Variants in FHIT observed in about 807,000 individuals in gnomAD.
FHIT encodes fragile histidine triad diadenosine triphosphatase.
A neutral mutation model predicts 17.9 loss-of-function variants in FHIT; 19 were observed. That is an observed-to-expected ratio of 1.06 (90% confidence interval 0.74 to 1.56). The LOEUF (loss-of-function observed/expected upper bound fraction) is 1.56, where lower values mean the gene tolerates loss of function less well. FHIT is among the 40% of genes most tolerant of loss of function. The pLI, the probability that FHIT is intolerant of heterozygous loss-of-function variation, is 0.00. For missense variants in FHIT, 248 were observed against 189.2 expected, an observed-to-expected ratio of 1.31 and a Z score of -1.82; for synonymous variants, 81 against 69.7, an observed-to-expected ratio of 1.16 and a Z score of -0.81.
At chr3:61,228,919 G>C (rs936409080) in intron 1 of FHIT, among the ~76,000 whole-genome samples, 2 of 152,174 alleles carry the variant, frequency 1.3e-5, no homozygotes, top group African/African-American at 4.8e-5. Context: ...CAAGGCAAAG[G>C]AGATACAGCA....
At chr3:61,091,270 T>A (rs2035472701) in intron 2 of FHIT, among the ~76,000 whole-genome samples, 1 of 152,162 alleles carries the variant, frequency 6.6e-6, no homozygotes, top group Non-Finnish European at 1.5e-5. Context: ...CCTCCCTACA[T>A]GCCAATCAGT....
chr3:60,254,956 A>G (rs1227322415), intron 5 of FHIT, among the ~76,000 whole-genome samples: 1 of 152,222 alleles, frequency 6.6e-6, no homozygotes, highest in Non-Finnish European at 1.5e-5. Flanking sequence ...GATATTCTTT[A>G]AGAAATCATG....
At chr3:60,583,836 C>T (rs1553660593) in intron 4 of FHIT, among the ~76,000 whole-genome samples, 1 of 152,088 alleles carries the variant, frequency 6.6e-6, no homozygotes, top group Non-Finnish European at 1.5e-5. Context: ...GCTAGTATTT[C>T]AGAATCAGCT....
chr3:61,251,447 G>A lies in FHIT; in HGVS notation c.-359C>T, dbSNP rs2040623150. On this transcript the variant is annotated 5_prime_UTR_variant, in exon 1 of 10. Coordinates refer to ENST00000492590, the MANE Select transcript of FHIT (RefSeq NM_002012.4). ...TCCTGTGACCGGACAGAGCAGAGCG[G>A]GGACTGCAATTCCCAGAAGACCCCA... is the stretch of plus-strand genomic sequence containing the variant. The A allele has an allele frequency of 6.6e-6, 1 of 152,426 alleles. No homozygotes were observed. The highest frequency in any genetic ancestry group is 1.5e-5 in the Non-Finnish European group (1 of 68,196). 9.4% of individuals were successfully genotyped at this position (152,426 alleles called of 1,614,324 possible).
chr3:60,924,837 G>C (rs1022764431), intron 3 of FHIT, among the ~76,000 whole-genome samples: 12 of 152,078 alleles, frequency 7.9e-5, no homozygotes, highest in African/African-American at 2.7e-4. Context: ...TGGCTAACTA[G>C]AATAACCAAT....
intron 5 of FHIT, among the ~76,000 whole-genome samples, chr3:60,327,544 C>T (rs113613282): frequency 1.3e-5 from 2 of 152,268 alleles, no homozygotes; most frequent in Admixed American, 6.5e-5. Flanking sequence ...GTTGCCAACT[C>T]CATTGTAGAC....
chr3:60,011,257 G>T, intron 7 of FHIT, 114 bp downstream of exon 7: 1 of 960,046 alleles, frequency 1.0e-6, no homozygotes, highest in Non-Finnish European at 1.7e-6. Context: ...GGGTCTCTCT[G>T]ACCTCGAAGA....
intron 4 of FHIT, among the ~76,000 whole-genome samples, chr3:60,788,281 A>C (rs530115270): frequency 1.3e-5 from 2 of 152,116 alleles, no homozygotes; most frequent in South Asian, 4.2e-4. Context: ...ACAGAGTGAG[A>C]CCCTATCTCT....
chr3:60,575,632 G>A (rs2037538493), intron 4 of FHIT, among the ~76,000 whole-genome samples: 1 of 152,144 alleles, frequency 6.6e-6, no homozygotes, highest in Non-Finnish European at 1.5e-5. Flanking sequence ...AGAGCAACTG[G>A]CATCGGAGAC....
rs566137087 is a variant in FHIT at position 60,939,086 on chromosome 3, A to C, written c.-111+102961T>G. Among the ~76,000 whole-genome samples the C allele has an allele frequency of 2.0e-5, 3 of 152,302 alleles. No individual in the cohort carries two copies. In the South Asian group the frequency reaches 6.2e-4, roughly 32 times the overall value. On this transcript the variant is annotated intron_variant, in intron 3 of 9. Coordinates refer to ENST00000492590, the MANE Select transcript of FHIT (RefSeq NM_002012.4). ...AGCAGTCAATTAGGTGCAATTCTAC[A>C]TGGTCCAATCTCATATACATACGCA...
chr3:60,190,500 G>C (rs1201825418), intron 5 of FHIT, among the ~76,000 whole-genome samples: 1 of 152,124 alleles, frequency 6.6e-6, no homozygotes, highest in Non-Finnish European at 1.5e-5. Context: ...TGTAATCCCA[G>C]CACTTTAGGA....
chr3:60,461,070 G>T (rs2032430424), intron 5 of FHIT, among the ~76,000 whole-genome samples: 1 of 136,072 alleles, frequency 7.3e-6, no homozygotes, highest in African/African-American at 3.3e-5. Flanking sequence ...AACGTTAACG[G>T]CAAAAAAATA....
chr3:60,177,416 C>T (rs759174163), intron 5 of FHIT, among the ~76,000 whole-genome samples: 32 of 152,172 alleles, frequency 2.1e-4, no homozygotes, highest in Middle Eastern at 3.4e-3. Flanking sequence ...ATTGGTAACT[C>T]GTCTTATGAT....
chr3:59,751,851 C>CT (rs1173761428), intron 9 of FHIT: 2 of 209,022 alleles, frequency 9.6e-6, no homozygotes, highest in Non-Finnish European at 1.8e-5. Context: ...AGCCTAAGGG[C>CT]CATGTCACAC....
chr3:60,715,513 T>C, intron 4 of FHIT, among the ~76,000 whole-genome samples: 1 of 150,804 alleles, frequency 6.6e-6, no homozygotes, highest in East Asian at 2.0e-4. Context: ...CAGTAAACTA[T>C]CACAAGGACA....
chr3:60,704,674 G>A (rs1387461245), intron 4 of FHIT, among the ~76,000 whole-genome samples: 2 of 152,052 alleles, frequency 1.3e-5, no homozygotes, highest in Non-Finnish European at 2.9e-5. Flanking sequence ...TTTGTTGAAT[G>A]CCATTCTATT....
chr3:60,544,192 G>A lies in FHIT; in HGVS notation c.-17-7213C>T, dbSNP rs57553052. On this transcript the variant is annotated intron_variant, in intron 4 of 9. Transcript: ENST00000492590. ...TGTGGTAATGTATTGAGAAGCAGAA[G>A]TAACACAGGGATCCTTTTCTTGTTC... Among the ~76,000 whole-genome samples the A allele has an allele frequency of 7.9e-5, 12 of 151,996 alleles. No individual in the cohort carries two copies. The East Asian group carries it at 2.3e-3, about 29-fold the overall frequency.
chr3:60,466,607 T>C (rs1479582240), intron 5 of FHIT, among the ~76,000 whole-genome samples: 1 of 152,104 alleles, frequency 6.6e-6, no homozygotes, highest in Non-Finnish European at 1.5e-5. Flanking sequence ...TATGAAATGC[T>C]TTTTCAGCAA....
At chr3:60,845,083 T>G (rs539299964) in intron 3 of FHIT, among the ~76,000 whole-genome samples, 1 of 152,250 alleles carries the variant, frequency 6.6e-6, no homozygotes, top group East Asian at 1.9e-4. Flanking sequence ...TTCATAATTC[T>G]TTACTCCAAG....
Sources: gnomAD v4.1 joint callset for allele counts (sites outside exome capture counted in the v4.1 genomes callset) on GRCh38, gnomAD v4.1.1 for gene constraint, MANE v1.5 for transcripts, NCBI Gene and HGNC (gene_info 2026-07-23, HGNC 2026-07-21) for gene names.